Variants in KCNMA1 observed in about 807,000 individuals in gnomAD.
KCNMA1 encodes Calcium-activated potassium channel subunit alpha-1.
KCNMA1 carries 29 observed loss-of-function variants against 140.0 expected under a neutral mutation model. That is an observed-to-expected ratio of 0.21 (90% CI 0.15 to 0.28). The LOEUF is 0.28. KCNMA1 is among the 10% of genes least tolerant of loss of function. The pLI is 1.00. For synonymous variants in KCNMA1, 612 were observed against 611.9 expected (o/e 1.00, Z 0.00); for missense variants, 880 against 1,602.2 (o/e 0.55, Z 7.70).
At chr10:77,525,263 A>G (rs1188446836) in intron 1 of KCNMA1, among the ~76,000 whole-genome samples, 1 of 152,202 alleles carries the variant, frequency 6.6e-6, no homozygotes, top group Non-Finnish European at 1.5e-5. Flanking sequence ...GAATATGAAA[A>G]AAGAGACCAA....
intron 21 of KCNMA1, chr10:76,951,911 T>G (rs1180644806): frequency 2.2e-6 from 2 of 914,428 alleles, no homozygotes; most frequent in East Asian, 5.5e-5. Flanking sequence ...ACACAAGCTC[T>G]GTGAGAGCAG....
At chr10:77,531,405 T>C (rs926537839) in intron 1 of KCNMA1, among the ~76,000 whole-genome samples, 1 of 152,148 alleles carries the variant, frequency 6.6e-6, no homozygotes, top group African/African-American at 2.4e-5. Context: ...GAGAGCACTG[T>C]ATGAGTCCAG....
intron 1 of KCNMA1, among the ~76,000 whole-genome samples, chr10:77,613,101 G>T (rs2087643235): frequency 1.3e-5 from 2 of 152,114 alleles, no homozygotes; most frequent in Non-Finnish European, 2.9e-5. Flanking sequence ...CCACCACCAG[G>T]TGATTTCTTA....
intron 1 of KCNMA1, among the ~76,000 whole-genome samples, chr10:77,613,532 GTTC>G (rs2087873767): frequency 6.6e-6 from 1 of 152,230 alleles, no homozygotes; most frequent in Admixed American, 6.5e-5. Flanking sequence ...ATAGGAGGCG[GTTC>G]AGACCGCAGG....
At chr10:77,459,143 G>A (rs1389310301) in intron 1 of KCNMA1, among the ~76,000 whole-genome samples, 2 of 152,204 alleles carry the variant, frequency 1.3e-5, no homozygotes, top group East Asian at 1.9e-4. Flanking sequence ...GACAGTAGGG[G>A]CATTTGAGTG....
chr10:77,628,506 A>T, intron 1 of KCNMA1, among the ~76,000 whole-genome samples: 1 of 151,966 alleles, frequency 6.6e-6, no homozygotes, highest in East Asian at 1.9e-4. Flanking sequence ...AAATACAAAA[A>T]TTAGCCAGGC....
chr10:76,931,809 T>C (rs1188428649), intron 23 of KCNMA1, among the ~76,000 whole-genome samples: 1 of 152,224 alleles, frequency 6.6e-6, no homozygotes, highest in African/African-American at 2.4e-5. Context: ...TGTAGGCTTT[T>C]GTTAGTCTAC....
intron 9 of KCNMA1, among the ~76,000 whole-genome samples, chr10:77,102,271 A>G (rs774647458): frequency 5.3e-5 from 8 of 152,218 alleles, no homozygotes; most frequent in Non-Finnish European, 1.2e-4. Flanking sequence ...TAAAATTCCA[A>G]ATCCTTTAGA....
intron 2 of KCNMA1, among the ~76,000 whole-genome samples, chr10:77,393,672 G>C (rs2095924887): frequency 6.6e-6 from 1 of 152,248 alleles, no homozygotes; most frequent in South Asian, 2.1e-4. Context: ...CCCAGGGAGA[G>C]AGGCAATGCA....
intron 1 of KCNMA1, among the ~76,000 whole-genome samples, chr10:77,576,251 G>A (rs1056228466): frequency 5.9e-5 from 9 of 152,124 alleles, no homozygotes; most frequent in African/African-American, 1.2e-4. Flanking sequence ...CAGGCAACTC[G>A]CCCTTCCCTA....
intron 1 of KCNMA1, among the ~76,000 whole-genome samples, chr10:77,489,372 G>T (rs544105615): frequency 6.6e-6 from 1 of 151,328 alleles, no homozygotes; most frequent in African/African-American, 2.4e-5. Context: ...TCTCACTCTT[G>T]TCGCCCAGGC....
At position 77,073,205 on chromosome 10, in the gene KCNMA1, G is replaced by C; in HGVS notation, c.1641C>G (p.Asp547Glu). The change falls in exon 14 of 28, where the codon GAC (aspartate) becomes GAG (glutamate). Residue 547 changes from aspartate to glutamate, a missense_variant. Asp to Glu is a conservative substitution (Grantham distance 45). Transcript: ENST00000286628. ...IPSWNWKEGD[D>E]AICLAELKLG... The stretch of plus-strand genomic sequence containing the variant: ...ACTTCAACTCTGCGAGGCAGATTGC[G>C]TCATCACCTTCTTTCCAATTCCAGC... The C allele has an allele frequency of 6.2e-7, 1 of 1,614,176 alleles. No homozygotes were observed. Among genetic ancestry groups the C allele is most frequent in the Non-Finnish European group, 8.5e-7 (1 of 1,179,994 alleles).
intron 2 of KCNMA1, among the ~76,000 whole-genome samples, chr10:77,277,994 T>C (rs1445161161): frequency 6.6e-6 from 1 of 152,212 alleles, no homozygotes; most frequent in Admixed American, 6.5e-5. Flanking sequence ...GAGCTGTTCA[T>C]GCAGCTCAAA....
intron 14 of KCNMA1, among the ~76,000 whole-genome samples, chr10:77,042,622 C>A (rs2094799584): frequency 6.6e-6 from 1 of 152,054 alleles, no homozygotes; most frequent in South Asian, 2.1e-4. Flanking sequence ...AAAATACAAA[C>A]CTTTATTATT....
At position 77,407,172 on chromosome 10, in the gene KCNMA1, T is replaced by C. The variant is rs928520378; in HGVS notation, c.379-3149A>G. Reference sequence around the variant, plus strand: ...CTAGATGTTGTGAGCTTAATTACCATGTGTGGGAAGCAGGACTGGGAGGAG... The same window carrying C: ...CTAGATGTTGTGAGCTTAATTACCACGTGTGGGAAGCAGGACTGGGAGGAG... On this transcript the variant is annotated intron_variant, in intron 1 of 27. Coordinates refer to ENST00000286628, the MANE Select transcript of KCNMA1 (RefSeq NM_001161352.2). Among the ~76,000 whole-genome samples, 6 of 152,214 alleles carry C rather than the reference T, an allele frequency of 3.9e-5. No individual in the cohort carries two copies. The South Asian group carries it at 6.2e-4, about 16-fold the overall frequency.
intron 15 of KCNMA1, among the ~76,000 whole-genome samples, chr10:77,030,157 A>T (rs757845140): frequency 1.2e-4 from 18 of 152,196 alleles, no homozygotes; most frequent in Non-Finnish European, 2.1e-4. Flanking sequence ...CTATCCAGGC[A>T]TATCTGGGAT....
chr10:76,907,354 A>C (rs1383926079), intron 25 of KCNMA1, among the ~76,000 whole-genome samples: 2 of 152,156 alleles, frequency 1.3e-5, no homozygotes, highest in African/African-American at 4.8e-5. Context: ...ATGCTTGTGC[A>C]ACTCAAATCC....
At chr10:77,424,388 C>G (rs965775515) in intron 1 of KCNMA1, among the ~76,000 whole-genome samples, 8 of 152,172 alleles carry the variant, frequency 5.3e-5, no homozygotes, top group African/African-American at 1.7e-4. Flanking sequence ...TCAGAGAGGT[C>G]AAGGCACCTG....
intron 5 of KCNMA1, among the ~76,000 whole-genome samples, chr10:77,131,562 G>T (rs1328574190): frequency 6.6e-6 from 1 of 152,126 alleles, no homozygotes; most frequent in Non-Finnish European, 1.5e-5. Flanking sequence ...CCTTTGTGGG[G>T]TGTAGTGACT....
Sources: allele counts gnomAD v4.1 joint callset (sites outside exome capture counted in the v4.1 genomes callset), GRCh38; gene constraint gnomAD v4.1.1; transcripts MANE v1.5; gene names NCBI Gene and HGNC (gene_info 2026-07-23, HGNC 2026-07-21).